Variants in MDGA2 observed in about 807,000 individuals in gnomAD.
The protein encoded by MDGA2 is MAM domain containing glycosylphosphatidylinositol anchor 2.
In MDGA2, 40 loss-of-function variants were observed where a neutral mutation model predicts 117.8. The observed-to-expected ratio is 0.34, with a 90% CI of 0.26 to 0.44. The LOEUF is 0.44. Ranked by LOEUF, MDGA2 falls within the 20% of genes least tolerant of loss-of-function variation. The pLI, the probability that MDGA2 is intolerant of heterozygous loss-of-function variation, is 1.00. For synonymous variants in MDGA2, 452 were observed against 439.0 expected (o/e 1.03, Z -0.37); for missense variants, 1,123 against 1,250.6 (o/e 0.90, Z 1.54).
chr14:47,347,005 C>T (rs1461653134), intron 1 of MDGA2, among the ~76,000 whole-genome samples: 5 of 152,048 alleles, frequency 3.3e-5, no homozygotes, highest in African/African-American at 7.2e-5. Flanking sequence ...ACAACTGGGA[C>T]GGGGGAGTGC....
intron 1 of MDGA2, among the ~76,000 whole-genome samples, chr14:47,641,737 T>C (rs1897429158): frequency 6.6e-6 from 1 of 152,150 alleles, no homozygotes; most frequent in South Asian, 2.1e-4. Flanking sequence ...TGATATTAAA[T>C]AATTAGAAAG....
intron 2 of MDGA2, among the ~76,000 whole-genome samples, chr14:47,225,070 T>C (rs1291784104): frequency 3.3e-5 from 5 of 152,186 alleles, no homozygotes; most frequent in African/African-American, 1.2e-4. Context: ...AGCAACAAAA[T>C]TTTAACCTTA....
intron 1 of MDGA2, among the ~76,000 whole-genome samples, chr14:47,458,039 C>T (rs1218409457): frequency 1.3e-5 from 2 of 148,680 alleles, no homozygotes; most frequent in Non-Finnish European, 3.0e-5. Context: ...GTCATGATAT[C>T]CTGGTTAATG....
chr14:47,572,145 G>C (rs1008637281), intron 1 of MDGA2, among the ~76,000 whole-genome samples: 1 of 152,134 alleles, frequency 6.6e-6, no homozygotes. Context: ...ATCCCTTGCT[G>C]TTCCAAATTG....
intron 10 of MDGA2, among the ~76,000 whole-genome samples, chr14:46,908,387 A>G (rs932045355): frequency 6.6e-6 from 1 of 152,140 alleles, no homozygotes; most frequent in Non-Finnish European, 1.5e-5. Context: ...GGATTATTCT[A>G]TCCTATTTTA....
intron 1 of MDGA2, among the ~76,000 whole-genome samples, chr14:47,450,399 C>T (rs1893216821): frequency 6.6e-6 from 1 of 151,954 alleles, no homozygotes; most frequent in Non-Finnish European, 1.5e-5. Context: ...CATCTATTTC[C>T]AGCCTCAAAT....
intron 8 of MDGA2, among the ~76,000 whole-genome samples, chr14:46,974,975 G>T (rs1226367001): frequency 1.3e-5 from 2 of 151,890 alleles, no homozygotes; most frequent in Non-Finnish European, 1.5e-5. Flanking sequence ...TTAGTATGGA[G>T]AATGGATAAA....
At chr14:47,543,480 C>T (rs557705353) in intron 1 of MDGA2, among the ~76,000 whole-genome samples, 38 of 152,174 alleles carry the variant, frequency 2.5e-4, no homozygotes, top group Admixed American at 7.2e-4. Context: ...CTGGTTAAAT[C>T]GTTGACACTT....
intron 6 of MDGA2, among the ~76,000 whole-genome samples, chr14:47,082,018 T>C (rs1890725964): frequency 6.6e-6 from 1 of 152,122 alleles, no homozygotes; most frequent in South Asian, 2.1e-4. Context: ...ATCAAATTTA[T>C]GCTGGAAAAA....
Position 47,042,355 on chromosome 14 carries a change from G to A in MDGA2, c.1526-7051C>T, listed in dbSNP as rs866616551. 6.2e-5 allele frequency among the ~76,000 whole-genome samples: 9 copies of A among 145,426 alleles called. No individual in the cohort carries two copies. The South Asian group carries it at 8.7e-4, about 14-fold the overall frequency. On this transcript the variant is annotated intron_variant, in intron 7 of 16. Transcript: ENST00000399232. ...TGTGTGTGTGTGTGTGTATGCACACGCATGCAGGTGCGTGTCTTCAAAACA... is the reference window on the plus strand; with the variant it reads ...TGTGTGTGTGTGTGTGTATGCACACACATGCAGGTGCGTGTCTTCAAAACA...
At chr14:47,153,264 C>T (rs1220843560) in intron 3 of MDGA2, among the ~76,000 whole-genome samples, 1 of 152,046 alleles carries the variant, frequency 6.6e-6, no homozygotes, top group Non-Finnish European at 1.5e-5. Flanking sequence ...TGAACAATGA[C>T]AGGGGCTTTG....
intron 9 of MDGA2, among the ~76,000 whole-genome samples, chr14:46,940,723 AGATG>A (rs1884967564): frequency 6.6e-6 from 1 of 152,142 alleles, no homozygotes; most frequent in Non-Finnish European, 1.5e-5. Flanking sequence ...GGAGGGGAAC[AGATG>A]GATGAACTGA....
intron 1 of MDGA2, among the ~76,000 whole-genome samples, chr14:47,533,213 T>A (rs1327636766): frequency 6.6e-6 from 1 of 152,174 alleles, no homozygotes; most frequent in Non-Finnish European, 1.5e-5. Context: ...CAAAGGAATA[T>A]CAGGGTGCTG....
At chr14:47,391,137 T>C (rs1267584546) in intron 1 of MDGA2, among the ~76,000 whole-genome samples, 1 of 152,198 alleles carries the variant, frequency 6.6e-6, no homozygotes, top group Non-Finnish European at 1.5e-5. Context: ...CCTCCTCCGG[T>C]ATGATATCCT....
At chr14:47,293,739 G>A (rs1237754860) in intron 2 of MDGA2, among the ~76,000 whole-genome samples, 1 of 152,076 alleles carries the variant, frequency 6.6e-6, no homozygotes, top group Non-Finnish European at 1.5e-5. Context: ...AACAAAAGAT[G>A]AATTCTGAGA....
intron 1 of MDGA2, among the ~76,000 whole-genome samples, chr14:47,542,842 T>G (rs1424544983): frequency 1.3e-5 from 2 of 152,216 alleles, no homozygotes; most frequent in Non-Finnish European, 2.9e-5. Context: ...CTTCTTATAT[T>G]TGGCATTAAC....
chr14:47,290,950 C>T (rs1036212068), intron 2 of MDGA2, among the ~76,000 whole-genome samples: 1 of 152,112 alleles, frequency 6.6e-6, no homozygotes, highest in Non-Finnish European at 1.5e-5. Flanking sequence ...CAACTAAAAC[C>T]TACTTTTAAT....
At chr14:47,540,514 A>ATGTG (rs1566505955) in intron 1 of MDGA2, among the ~76,000 whole-genome samples, 18 of 98,310 alleles carry the variant, frequency 1.8e-4, no homozygotes, top group South Asian at 1.0e-3. Flanking sequence ...GTATATGTAT[A>ATGTG]TGTATATGTG....
intron 8 of MDGA2, among the ~76,000 whole-genome samples, chr14:46,996,080 G>A (rs1489369402): frequency 6.6e-6 from 1 of 152,090 alleles, no homozygotes; most frequent in African/African-American, 2.4e-5. Context: ...TAAGAGTTTT[G>A]TAAAGTCCTT....
Sources: gnomAD v4.1 joint callset for allele counts (sites outside exome capture counted in the v4.1 genomes callset) on GRCh38, gnomAD v4.1.1 for gene constraint, MANE v1.5 for transcripts, NCBI Gene and HGNC (gene_info 2026-07-23, HGNC 2026-07-21) for gene names.